The following GMPPA variants were observed in gnomAD, a reference collection of about 807,000 sequenced individuals.
The protein encoded by GMPPA is GDP-mannose pyrophosphorylase A, also known as mannose-1-phosphate guanylyltransferase regulatory subunit alpha.
GMPPA carries 46 observed loss-of-function variants against 58.6 expected under a neutral mutation model. That is an observed-to-expected ratio of 0.78 (90% CI 0.62 to 1.00). GMPPA has a LOEUF of 1.00. GMPPA is among the 50% of genes least tolerant of loss of function. The pLI is 0.00. For synonymous variants in GMPPA, 211 were observed against 214.9 expected, an observed-to-expected ratio of 0.98 and a Z score of 0.16; for missense variants, 468 against 556.4, an observed-to-expected ratio of 0.84 and a Z score of 1.60.
In GMPPA at chr2:219,501,944, G is replaced by A. The variant is rs372560013; in HGVS notation, c.336G>A (p.Val112=). The change falls in exon 5 of 13, where the codon GTG becomes GTA. Residue 112 remains valine (V), a synonymous_variant. Coordinates refer to ENST00000313597, the MANE Select transcript of GMPPA (RefSeq NM_013335.4). ...ILAGSPEAFF[V]LNADVCSDFP... is the part of the protein sequence containing the mutation. ...CTGGGAGCCCCGAGGCATTCTTCGT[G>A]CTCAATGCTGATGTCTGCTCCGACT... 3.7e-6 allele frequency: 6 copies of A among 1,614,056 alleles called. No homozygotes were observed. The African/African-American group carries it at 6.7e-5, about 18-fold the overall frequency.
intron 9 of GMPPA, 58 bp from the exon 10 acceptor site, chr2:219,505,657 C>G: frequency 6.3e-7 from 1 of 1,596,892 alleles, no homozygotes; most frequent in Non-Finnish European, 8.6e-7. Context: ...ATCCCTGCCC[C>G]TTCCTGATCA....
At chr2:219,501,801 T>C in intron 4 of GMPPA, 50 bp from the exon 5 acceptor site, 1 of 1,547,168 alleles carries the variant, frequency 6.5e-7, no homozygotes. Flanking sequence ...TGGCTCATGG[T>C]ATCTGTTTCC....
chr2:219,506,498 C>G (rs1694598298), intron 12 of GMPPA, 76 bp downstream of exon 12: 1 of 1,407,034 alleles, frequency 7.1e-7, no homozygotes, highest in East Asian at 2.3e-5. Flanking sequence ...ATTCGTTCCT[C>G]TGTGTGCACG....
chr2:219,504,713 C>A, intron 7 of GMPPA: 1 of 256,974 alleles, frequency 3.9e-6, no homozygotes, highest in Non-Finnish European at 6.6e-6. Context: ...GCCTCCTCTG[C>A]TCATAGCCAT....
intron 3 of GMPPA, chr2:219,501,262 C>T: frequency 3.6e-6 from 2 of 552,876 alleles, no homozygotes; most frequent in South Asian, 4.4e-5. Flanking sequence ...GACCCTTTTT[C>T]ACAAAAATAA....
At chr2:219,506,555 C>A in intron 12 of GMPPA, 133 bp downstream of exon 12, 1 of 1,073,930 alleles carries the variant, frequency 9.3e-7, no homozygotes, top group South Asian at 1.5e-5. Context: ...TGCTGTGTGC[C>A]AGGCCCTGTG....
Position 219,504,121 on chromosome 2 carries a change from T to G in GMPPA, c.528T>G (p.Ser176Arg). Residue 176 changes from serine (S) to arginine (R), a missense_variant, in exon 7 of 13, where the codon AGT becomes AGG. Ser to Arg is a moderately radical substitution (Grantham distance 110). Coordinates refer to ENST00000313597, the MANE Select transcript of GMPPA (RefSeq NM_013335.4). ...TGGAGAAACCCAGCACATTTATCAG[T>G]GACATCATCAACTGCGGCATCTACC... Reference protein sequence around the residue: ...HYVEKPSTFISDIINCGIYLF... With the variant: ...HYVEKPSTFIRDIINCGIYLF... The G allele has an allele frequency of 6.2e-7, 1 of 1,614,012 alleles. No individual in the cohort carries two copies. The highest frequency in any genetic ancestry group is 8.5e-7 in the Non-Finnish European group (1 of 1,179,902).
intron 7 of GMPPA, 155 bp from the exon 8 acceptor site, chr2:219,505,073 A>G: frequency 2.2e-6 from 2 of 911,818 alleles, no homozygotes; most frequent in South Asian, 3.6e-5. Flanking sequence ...CTGGGATGTG[A>G]GCAGCCACAT....
intron 4 of GMPPA, 126 bp downstream of exon 4, chr2:219,501,705 A>G: frequency 1.1e-6 from 1 of 899,756 alleles, no homozygotes; most frequent in South Asian, 1.4e-5. Context: ...TTGTTTGGAC[A>G]TCAATGAATC....
chr2:219,505,806 A>G, intron 10 of GMPPA, 45 bp downstream of exon 10: 2 of 1,486,724 alleles, frequency 1.3e-6, no homozygotes, highest in Non-Finnish European at 1.8e-6. Context: ...TGGTGGTCGG[A>G]TGGATGGAGG....
At chr2:219,501,789 C>T (rs771604721) in intron 4 of GMPPA, 62 bp from the exon 5 acceptor site, 7 of 1,498,500 alleles carry the variant, frequency 4.7e-6, no homozygotes, top group Non-Finnish European at 5.6e-6. Context: ...GGTCAGGTGC[C>T]CTGGCTCATG....
intron 6 of GMPPA, among the ~76,000 whole-genome samples, chr2:219,503,135 A>AT (rs777186756): frequency 0.011 from 1,418 of 127,012 alleles, 17 homozygotes; most frequent in East Asian, 0.076. Context: ...TGCCCAGCTG[A>AT]TTTTTTTTTT....
intron 12 of GMPPA, 65 bp from the exon 13 acceptor site, chr2:219,506,633 C>T (rs552202237): frequency 9.2e-5 from 95 of 1,036,684 alleles, no homozygotes; most frequent in African/African-American, 4.8e-4. Context: ...CTGGCAGTGG[C>T]CCCCAGCTCC....
At chr2:219,501,338 A>T in intron 3 of GMPPA, 138 bp from the exon 4 acceptor site, 1 of 660,410 alleles carries the variant, frequency 1.5e-6, no homozygotes. Flanking sequence ...AGGAGAAAAT[A>T]GCCCAGAGTG....
At chr2:219,504,410 G>A (rs1319321584) in intron 7 of GMPPA, 197 bp downstream of exon 7, 4 of 593,974 alleles carry the variant, frequency 6.7e-6, no homozygotes, top group Non-Finnish European at 5.9e-6. Context: ...ATCCATCCCA[G>A]TTCCTCCTCT....
At chr2:219,504,919 AG>A in intron 7 of GMPPA, 1 of 1,079,770 alleles carries the variant, frequency 9.3e-7, no homozygotes, top group Non-Finnish European at 1.2e-6. Context: ...GGTAACTTGG[AG>A]GGGGTAAAGG....
intron 10 of GMPPA, 21 bp from the exon 11 acceptor site, chr2:219,505,959 G>A (rs1229272465): frequency 6.0e-6 from 9 of 1,510,524 alleles, no homozygotes; most frequent in Non-Finnish European, 8.1e-6. Context: ...CAGGGCTTAT[G>A]GTGTGTGCTT....
Position 219,506,746 on chromosome 2 carries a change from T to C in GMPPA, c.1211T>C (p.Val404Ala). The C allele has an allele frequency of 6.2e-7, 1 of 1,608,640 alleles. No homozygotes were observed. Among genetic ancestry groups the C allele is most frequent in the Non-Finnish European group, 8.5e-7 (1 of 1,175,152 alleles). Residue 404 changes from valine (V) to alanine (A), a missense_variant, in exon 13 of 13, where the codon GTT becomes GCT. Physicochemically the swap from Val to Ala is moderately conservative, Grantham distance 64 (BLOSUM62 0). Transcript: ENST00000313597. ...GAGGTGCTCATCCTGAACTCGATTGTTCTGCCACACAAGGAGCTGAGCCGA... is the reference window on the plus strand; with the variant it reads ...GAGGTGCTCATCCTGAACTCGATTGCTCTGCCACACAAGGAGCTGAGCCGA... ...PAEVLILNSIVLPHKELSRSF... is the reference protein window; with the variant it reads ...PAEVLILNSIALPHKELSRSF...
intron 11 of GMPPA, 47 bp from the exon 12 acceptor site, chr2:219,506,207 G>C: frequency 6.4e-7 from 1 of 1,563,598 alleles, no homozygotes; most frequent in Non-Finnish European, 8.7e-7. Context: ...TCCGGTTCCT[G>C]CTGCCTCCTG....
Sources: allele counts gnomAD v4.1 joint callset (sites outside exome capture counted in the v4.1 genomes callset), GRCh38; gene constraint gnomAD v4.1.1; transcripts MANE v1.5; gene names NCBI Gene and HGNC (gene_info 2026-07-23, HGNC 2026-07-21).